The following SYNM variants were observed in gnomAD, a reference collection of about 807,000 sequenced individuals.
The protein encoded by SYNM is desmuslin.
SYNM carries 95 observed loss-of-function variants against 104.0 expected under a neutral mutation model. That is an observed-to-expected ratio of 0.91 (90% CI 0.77 to 1.08). The LOEUF (loss-of-function observed/expected upper bound fraction) is 1.08. SYNM is among the 50% of genes least tolerant of loss of function. The pLI, the probability that SYNM is intolerant of heterozygous loss-of-function variation, is 0.00. For synonymous variants in SYNM, 918 were observed against 869.0 expected, an observed-to-expected ratio of 1.06 and a Z score of -0.99; for missense variants, 2,150 against 2,052.2, an observed-to-expected ratio of 1.05 and a Z score of -0.92.
intron 2 of SYNM, among the ~76,000 whole-genome samples, chr15:99,125,108 C>A (rs187166411): frequency 9.6e-4 from 146 of 152,354 alleles, no homozygotes; most frequent in African/African-American, 3.4e-3. Context: ...ACTTGGGCAG[C>A]TCAAGGGAGA....
At position 99,119,543 on chromosome 15, in the gene SYNM, C is replaced by T. The variant is rs797039235; in HGVS notation, c.935+5828C>T. On this transcript the variant is annotated intron_variant, in intron 2 of 3. Coordinates refer to ENST00000336292, the MANE Select transcript of SYNM (RefSeq NM_145728.3). ...GTGGGAGGCGGGGCTTGCACCAGGA[C>T]CCACGCGCCAGTCTGGGCTGCTTGC... is the stretch of plus-strand genomic sequence containing the variant. Among the ~76,000 whole-genome samples the T allele has an allele frequency of 1.0e-3, 156 of 152,324 alleles. 1 individual carries two copies. Among genetic ancestry groups the T allele is most frequent in the African/African-American group, 3.7e-3 (154 of 41,586 alleles).
chr15:99,107,308 G>T (rs547984035), intron 1 of SYNM, among the ~76,000 whole-genome samples: 1 of 152,132 alleles, frequency 6.6e-6, no homozygotes, highest in Admixed American at 6.5e-5. Flanking sequence ...AGTGGCCAGG[G>T]GTCTGAGTTC....
At position 99,131,114 on chromosome 15, in the gene SYNM, C is replaced by G; in HGVS notation, c.2754C>G (p.Ala918=). The G allele has an allele frequency of 1.2e-6, 2 of 1,601,520 alleles. No individual in the cohort carries two copies. Among genetic ancestry groups the G allele is most frequent in the South Asian group, 1.1e-5 (1 of 89,058 alleles). The part of the protein sequence containing the change: ...KEQARSGEFH[A]EPTVIEKEIK... ...AAGCTAGAAGCGGTGAATTTCATGC[C>G]GAACCCACAGTCATTGAAAAAGAAA... Residue 918 remains alanine, a synonymous_variant, in exon 4 of 4, where the codon GCC becomes GCG. Coordinates refer to ENST00000336292, the MANE Select transcript of SYNM (RefSeq NM_145728.3). This position sits in a 1 kb window ranked among gnomAD's most constrained non-coding sequence, Gnocchi z 4.3.
rs1281586942 is a variant in SYNM at position 99,105,725 on chromosome 15, C to G, written c.526C>G (p.Pro176Ala). 1 of 1,500,642 alleles carries G rather than the reference C, an allele frequency of 6.7e-7. No individual in the cohort carries two copies. The highest frequency in any genetic ancestry group is 1.3e-5 in the South Asian group (1 of 79,634). 93.0% of individuals were successfully genotyped at this position (1,500,642 alleles called of 1,614,324 possible). Reference protein sequence around the residue: ...FRARATGPAAPPPRLREVHDS... With the variant: ...FRARATGPAAAPPRLREVHDS... ...CGCCCGCGCCACCGGCCCCGCCGCG[C>G]CGCCGCCACGCCTGCGGGAGGTGCA... The change falls in exon 1 of 4, where the codon CCG becomes GCG. Residue 176 changes from proline to alanine, a missense_variant. Pro to Ala is a conservative substitution (Grantham distance 27). Coordinates refer to ENST00000336292, the MANE Select transcript of SYNM (RefSeq NM_145728.3).
chr15:99,120,245 T>C (rs1462609270), intron 2 of SYNM, among the ~76,000 whole-genome samples: 1 of 152,178 alleles, frequency 6.6e-6, no homozygotes, highest in Non-Finnish European at 1.5e-5. Context: ...CAGATGATGG[T>C]GTGGACCTAG....
rs1947495239 is a variant in SYNM, at chr15:99,130,543, ACAT to A, written c.2189_2191del (p.Ile730del). 4 of 1,613,878 alleles carry A rather than the reference ACAT, an allele frequency of 2.5e-6. No individual in the cohort carries two copies. Among genetic ancestry groups the A allele is most frequent in the Non-Finnish European group, 3.4e-6 (4 of 1,179,864 alleles). The stretch of plus-strand genomic sequence containing the variant: ...AAGTCAGCCGAGCAGATGATAGGAG[ACAT>A]CATCAACCTCGGCCTGAAAGGGAGG... On this transcript the variant is annotated inframe_deletion, in exon 4 of 4. Transcript: ENST00000336292.
chr15:99,130,632 G>A lies in SYNM; in HGVS notation c.2272G>A (p.Gly758Arg), dbSNP rs370653619. The A allele has an allele frequency of 7.3e-5, 118 of 1,613,434 alleles. No individual in the cohort carries two copies. The highest frequency in any genetic ancestry group is 1.5e-4 in the Admixed American group (9 of 59,922). Residue 758 changes from glycine to arginine, a missense_variant, in exon 4 of 4, where the codon GGG becomes AGG. Gly to Arg is a moderately radical substitution (Grantham distance 125). Coordinates refer to ENST00000336292, the MANE Select transcript of SYNM (RefSeq NM_145728.3). ...GGAGGAGCCCGTGAGTTATGTCAGC[G>A]GGGAGAAGCCGGAGGAGTTTTCCGT... is the stretch of plus-strand genomic sequence containing the variant. ...IVEEPVSYVS[G>R]EKPEEFSVPF...
chr15:99,139,427 G>A (rs1248930544), downstream of SYNM: 4 of 1,613,916 alleles, frequency 2.5e-6, no homozygotes, highest in African/African-American at 2.7e-5. Context: ...GCTATCATGA[G>A]GCTATGGAAG....
chr15:99,107,693 C>G (rs2067259667), intron 1 of SYNM, among the ~76,000 whole-genome samples: 1 of 152,172 alleles, frequency 6.6e-6, no homozygotes, highest in Non-Finnish European at 1.5e-5. Flanking sequence ...AGCAGAGTTC[C>G]CCTGACTGGA....
chr15:99,106,853 A>C (rs1439297654), intron 1 of SYNM, among the ~76,000 whole-genome samples: 2 of 152,272 alleles, frequency 1.3e-5, no homozygotes, highest in African/African-American at 2.4e-5. Context: ...CACTATCAGT[A>C]GTTCTCAAAA....
In SYNM at chr15:99,132,144, G is replaced by T. The variant is rs201536143; in HGVS notation, c.3784G>T (p.Val1262Phe). ...AGAGTCAGTGGGTACCCAGACTTCT[G>T]TCAGGCAACTCCAGTTAGGCCCTAA... ...TEESVGTQTS[V>F]RQLQLGPKEG... is the part of the protein sequence containing the mutation. The change falls in exon 4 of 4, where the codon GTC becomes TTC. Residue 1262 changes from valine to phenylalanine, a missense_variant. Coordinates refer to ENST00000336292, the MANE Select transcript of SYNM (RefSeq NM_145728.3). The T allele has an allele frequency of 5.5e-4, 885 of 1,613,926 alleles. 1 individual carries two copies. The highest frequency in any genetic ancestry group is 6.9e-4 in the Non-Finnish European group (820 of 1,179,912).
chr15:99,138,191 A>T, downstream of SYNM: 5 of 1,589,714 alleles, frequency 3.1e-6, no homozygotes, highest in Non-Finnish European at 4.3e-6. Context: ...GTTCCCATCC[A>T]GCCTTTGCTG....
At chr15:99,129,345 A>G in intron 3 of SYNM, 22 bp from the exon 4 acceptor site, 1 of 1,604,304 alleles carries the variant, frequency 6.2e-7, no homozygotes, top group Non-Finnish European at 8.5e-7. Context: ...ATTTTAATGA[A>G]TGCTTTGTTC....
intron 1 of SYNM, among the ~76,000 whole-genome samples, chr15:99,109,347 A>C (rs879974216): frequency 2.6e-5 from 4 of 152,176 alleles, no homozygotes; most frequent in Non-Finnish European, 4.4e-5. Context: ...CATTTGCGAT[A>C]AAGTGGAGAC....
At chr15:99,129,308 A>G in intron 3 of SYNM, 59 bp from the exon 4 acceptor site, 3 of 1,579,896 alleles carry the variant, frequency 1.9e-6, no homozygotes, top group Non-Finnish European at 2.6e-6. Context: ...CAATGCTTGT[A>G]GATGGAAAAG....
downstream of SYNM, among the ~76,000 whole-genome samples, chr15:99,136,158 C>A (rs574381273): frequency 5.3e-5 from 8 of 151,830 alleles, no homozygotes; most frequent in Non-Finnish European, 1.0e-4. Flanking sequence ...CTATAGTCTT[C>A]CTCTCGTTGA....
chr15:99,106,375 C>T (rs1353585795), intron 1 of SYNM, among the ~76,000 whole-genome samples: 1 of 152,222 alleles, frequency 6.6e-6, no homozygotes, highest in Non-Finnish European at 1.5e-5. Context: ...ATCTAAGAGT[C>T]AACCGAGAAA....
At position 99,132,710 on chromosome 15, in the gene SYNM, C is replaced by G; in HGVS notation, c.4350C>G (p.His1450Gln). The stretch of plus-strand genomic sequence containing the variant: ...CAGACAGCAGCAGAACGCTAAGGCA[C>G]ATTGCACCAGGGCCCAAAGAAACTT... ...KLADSSRTLR[H>Q]IAPGPKETSF... The change falls in exon 4 of 4, where the codon CAC (histidine) becomes CAG (glutamine). Residue 1450 changes from histidine (H) to glutamine (Q), a missense_variant. By Grantham distance (24) the His-to-Gln change is conservative. Coordinates refer to ENST00000336292, the MANE Select transcript of SYNM (RefSeq NM_145728.3). 1.9e-6 allele frequency: 3 copies of G among 1,613,960 alleles called. No homozygotes were observed. Among genetic ancestry groups the G allele is most frequent in the Non-Finnish European group, 2.5e-6 (3 of 1,179,888 alleles).
intron 1 of SYNM, among the ~76,000 whole-genome samples, chr15:99,107,649 C>T (rs552887753): frequency 1.3e-5 from 2 of 152,314 alleles, no homozygotes; most frequent in Admixed American, 1.3e-4. Flanking sequence ...ACTAATGAAA[C>T]CTTCAGTGGA....
Sources: allele counts gnomAD v4.1 joint callset (sites outside exome capture counted in the v4.1 genomes callset), GRCh38; gene constraint gnomAD v4.1.1; non-coding constraint Gnocchi (gnomAD v3.1); transcripts MANE v1.5; gene names NCBI Gene and HGNC (gene_info 2026-07-23, HGNC 2026-07-21).